The following PPEF1 variants were observed in gnomAD, a reference collection of about 807,000 sequenced individuals.
PPEF1 encodes protein phosphatase with EF-hand domain 1, also known as serine/threonine-protein phosphatase with EF-hands 1.
In PPEF1, 12 loss-of-function variants were observed where a neutral mutation model predicts 53.3. That is an observed-to-expected ratio of 0.23 (90% CI 0.14 to 0.36). The LOEUF is 0.36. Ranked by LOEUF, PPEF1 falls within the 10% of genes least tolerant of loss-of-function variation. The pLI, the probability that PPEF1 is intolerant of heterozygous loss-of-function variation, is 1.00. For missense variants in PPEF1, 334 were observed against 490.4 expected (o/e 0.68, Z 3.01); for synonymous variants, 165 against 176.7 (o/e 0.93, Z 0.52).
intron 10 of PPEF1, among the ~76,000 whole-genome samples, chrX:18,793,682 C>T (rs1429468034): frequency 2.0e-5 from 2 of 98,441 alleles, no homozygotes; most frequent in Non-Finnish European, 4.1e-5. Flanking sequence ...GCCTGCTTCC[C>T]CCCTCCGCTC....
At chrX:18,791,163 G>C in intron 10 of PPEF1, among the ~76,000 whole-genome samples, 1 of 111,565 alleles carries the variant, frequency 9.0e-6, no homozygotes, top group Non-Finnish European at 1.9e-5. Context: ...TTTTAACATT[G>C]GGAAGTGTGA....
At chrX:18,765,416 C>T (rs2045746157) in intron 6 of PPEF1, among the ~76,000 whole-genome samples, 1 of 110,814 alleles carries the variant, frequency 9.0e-6, no homozygotes, top group African/African-American at 3.3e-5. Context: ...AAAATTGTAC[C>T]ATATATGGGA....
chrX:18,751,545 C>T (rs994980931), intron 4 of PPEF1, among the ~76,000 whole-genome samples: 4 of 111,198 alleles, frequency 3.6e-5, no homozygotes, highest in African/African-American at 1.3e-4. Context: ...TTTGGGAGGC[C>T]GAGGCGGGTG....
chrX:18,685,011 A>G (rs1929014995), intron 2 of PPEF1, among the ~76,000 whole-genome samples: 1 of 112,148 alleles, frequency 8.9e-6, no homozygotes, highest in Non-Finnish European at 1.9e-5. Context: ...CCACTCCTCT[A>G]GAGTCCCATT....
upstream of PPEF1, among the ~76,000 whole-genome samples, chrX:18,702,706 C>T (rs1351682768): frequency 2.7e-5 from 3 of 110,130 alleles, no homozygotes; most frequent in African/African-American, 9.9e-5. Context: ...ACCCAGTCAC[C>T]CCCAACACAC....
chrX:18,735,554 G>C, intron 3 of PPEF1, among the ~76,000 whole-genome samples: 1 of 111,878 alleles, frequency 8.9e-6, no homozygotes, highest in Middle Eastern at 4.6e-3. Flanking sequence ...TTTGAAGTCA[G>C]GTAGCGTGAT....
At chrX:18,754,452 C>T (rs2045505373) in intron 4 of PPEF1, among the ~76,000 whole-genome samples, 1 of 111,374 alleles carries the variant, frequency 9.0e-6, no homozygotes, top group African/African-American at 3.3e-5. Context: ...TTTCAATGAT[C>T]AGAGAACAGC....
At chrX:18,812,219 G>A (rs1283204148) in intron 12 of PPEF1, among the ~76,000 whole-genome samples, 2 of 111,496 alleles carry the variant, frequency 1.8e-5, no homozygotes, top group Non-Finnish European at 3.8e-5. Flanking sequence ...ATATCCAGTT[G>A]TCCCAGAACC....
intron 13 of PPEF1, among the ~76,000 whole-genome samples, chrX:18,820,716 A>T (rs1454672611): frequency 9.0e-6 from 1 of 110,553 alleles, no homozygotes; most frequent in East Asian, 2.8e-4. Context: ...ACTACATAGA[A>T]CTCTGTACCC....
At chrX:18,687,634 T>TTATA (rs1297467416) in intron 3 of PPEF1, among the ~76,000 whole-genome samples, 1 of 111,639 alleles carries the variant, frequency 9.0e-6, no homozygotes, top group Non-Finnish European at 1.9e-5. Flanking sequence ...GTTTAGCACT[T>TTATA]TATAGTTTAC....
intron 5 of PPEF1, 130 bp downstream of exon 5, chrX:18,757,871 T>TA: frequency 2.4e-6 from 1 of 410,717 alleles, no homozygotes; most frequent in Non-Finnish European, 4.2e-6. Flanking sequence ...TTATCTATCA[T>TA]GATAATACTG....
At chrX:18,788,138 C>A (rs2238942) in intron 9 of PPEF1, among the ~76,000 whole-genome samples, 52,794 of 108,130 alleles carry the variant, frequency 0.49, 9,941 homozygotes, top group African/African-American at 0.58. Flanking sequence ...AACACGGTGA[C>A]ACCCCGTCTC....
chrX:18,777,487 G>GTTTTTCTTTTCTTTTCT (rs997792956), intron 6 of PPEF1, among the ~76,000 whole-genome samples: 1 of 111,761 alleles, frequency 8.9e-6, no homozygotes, highest in African/African-American at 3.2e-5. Flanking sequence ...TAGCCATTTT[G>GTTTTTCTTTTCTTTTCT]TTTTTCTTTT....
At chrX:18,709,092 T>C (rs1239614151) in intron 1 of PPEF1, among the ~76,000 whole-genome samples, 1 of 112,490 alleles carries the variant, frequency 8.9e-6, no homozygotes, top group Non-Finnish European at 1.9e-5. Context: ...CAAATACCTG[T>C]GATTTATTGA....
Position 18,761,821 on chromosome X carries a change from A to G in PPEF1, c.558+245A>G, listed in dbSNP as rs2269585. On this transcript the variant is annotated intron_variant, in intron 6 of 15. Transcript: ENST00000470157. The stretch of plus-strand genomic sequence containing the variant: ...TATTGTTGTCTGTGTATCCATTAGG[A>G]TTTGTACCGGATTGTATTTATTGTC... Among the ~76,000 whole-genome samples the G allele has an allele frequency of 0.4, 43,674 of 108,469 alleles. 7,942 individuals are homozygous for G. The highest frequency in any genetic ancestry group is 0.57 in the Non-Finnish European group (29,521 of 52,174). 94.2% of individuals were successfully genotyped at this position (108,469 alleles called of 115,157 possible). A position where few individuals can be genotyped will look rare whatever the true frequency, so the allele number is the denominator to read the frequency against.
At chrX:18,798,921 C>T (rs1432442981) in intron 10 of PPEF1, among the ~76,000 whole-genome samples, 3 of 110,947 alleles carry the variant, frequency 2.7e-5, no homozygotes, top group African/African-American at 6.5e-5. Flanking sequence ...CCACCATGTC[C>T]GGCCTGAGCA....
At chrX:18,816,184 A>T (rs1395950800) in intron 12 of PPEF1, among the ~76,000 whole-genome samples, 1 of 110,881 alleles carries the variant, frequency 9.0e-6, no homozygotes, top group Non-Finnish European at 1.9e-5. Flanking sequence ...ATGTTTTGGT[A>T]TGTTGTATTT....
rs2046150909 is a variant in PPEF1 at position 18,784,060 on chromosome X, T to C, written c.912+12T>C. The C allele has an allele frequency of 1.3e-5, 15 of 1,172,071 alleles. No individual in the cohort carries two copies. The highest frequency in any genetic ancestry group is 1.7e-5 in the Non-Finnish European group (15 of 876,606). On this transcript the variant is annotated intron_variant, in intron 9 of 15. Coordinates refer to ENST00000470157, the MANE Select transcript of PPEF1 (RefSeq NM_001377996.1). Reference sequence around the variant, plus strand: ...TAGAGAGGAACAAGGTAAGAAGTAATGTTGGCATGAATCTTCTCTCAGGGA... The same window carrying C: ...TAGAGAGGAACAAGGTAAGAAGTAACGTTGGCATGAATCTTCTCTCAGGGA...
At chrX:18,710,508 G>T (rs991436972) in intron 1 of PPEF1, among the ~76,000 whole-genome samples, 1 of 111,502 alleles carries the variant, frequency 9.0e-6, no homozygotes, top group African/African-American at 3.3e-5. Context: ...TTAAAAAGTG[G>T]GCAAAGGTCA....
Sources: gnomAD v4.1 joint callset for allele counts (sites outside exome capture counted in the v4.1 genomes callset) on GRCh38, gnomAD v4.1.1 for gene constraint, MANE v1.5 for transcripts, NCBI Gene and HGNC (gene_info 2026-07-23, HGNC 2026-07-21) for gene names.